CSMD1: variants seen among roughly 807,000 people sequenced by gnomAD.
CSMD1 encodes CUB and Sushi multiple domains 1.
In CSMD1, 213 loss-of-function variants were observed where a neutral mutation model predicts 417.5. The ratio of observed to expected loss-of-function variants is 0.51; its 90% CI spans 0.46 to 0.57. The LOEUF (loss-of-function observed/expected upper bound fraction) is 0.57. CSMD1 is among the 20% of genes least tolerant of loss of function. The probability of loss-of-function intolerance (pLI) is 0.00; values close to 1 mark genes in which losing one functional copy is unlikely to be tolerated. For synonymous variants in CSMD1, 2,862 were observed against 1,736.8 expected (o/e 1.65, Z -16.11); for missense variants, 6,923 against 4,529.7 (o/e 1.53, Z -15.17).
intron 5 of CSMD1, among the ~76,000 whole-genome samples, chr8:3,933,619 G>A (rs556986937): frequency 6.6e-6 from 1 of 151,962 alleles, no homozygotes; most frequent in Non-Finnish European, 1.5e-5. Flanking sequence ...CTTCTGGTAA[G>A]ATACTGTTAG....
At chr8:3,355,093 A>G (rs887892454) in intron 21 of CSMD1, among the ~76,000 whole-genome samples, 2 of 151,952 alleles carry the variant, frequency 1.3e-5, no homozygotes, top group Admixed American at 1.3e-4. Context: ...GGGTGTTGAT[A>G]TTTTTTCGTT....
intron 2 of CSMD1, among the ~76,000 whole-genome samples, chr8:4,635,734 C>G (rs1208028637): frequency 6.6e-6 from 1 of 151,908 alleles, no homozygotes; most frequent in African/African-American, 2.4e-5. Flanking sequence ...AAGTAACTGG[C>G]TTTTAAAGAG....
In CSMD1 at chr8:3,467,737, C is replaced by T. The variant is rs57518699; in HGVS notation, c.1561+975G>A. ...GCAGCCAAGGTGTGGCGTGTTCACT[C>T]ACATGGACTCATGACAATGTCCCTT... On this transcript the variant is annotated intron_variant, in intron 12 of 69. Coordinates refer to ENST00000635120, the MANE Select transcript of CSMD1 (RefSeq NM_033225.6). Among the ~76,000 whole-genome samples the T allele has an allele frequency of 2.1e-3, 319 of 152,236 alleles. 5 individuals are homozygous for T. Among genetic ancestry groups the T allele is most frequent in the African/African-American group, 7.4e-3 (306 of 41,544 alleles).
At chr8:4,120,395 G>A (rs888795588) in intron 3 of CSMD1, among the ~76,000 whole-genome samples, 27 of 152,076 alleles carry the variant, frequency 1.8e-4, no homozygotes, top group Admixed American at 3.3e-4. Flanking sequence ...CATGCTGACC[G>A]TATGCCCATC....
chr8:4,633,314 T>C (rs941869017), intron 2 of CSMD1, among the ~76,000 whole-genome samples: 1 of 152,000 alleles, frequency 6.6e-6, no homozygotes, highest in East Asian at 1.9e-4. Context: ...TGGTGCGATC[T>C]CGGCTCACTG....
intron 12 of CSMD1, among the ~76,000 whole-genome samples, chr8:3,437,108 T>C (rs945594311): frequency 3.3e-5 from 5 of 152,166 alleles, no homozygotes; most frequent in African/African-American, 1.2e-4. Flanking sequence ...TGCAAACTCA[T>C]TTTCTTTGCT....
At chr8:3,887,329 C>T (rs572522248) in intron 5 of CSMD1, among the ~76,000 whole-genome samples, 19 of 152,248 alleles carry the variant, frequency 1.2e-4, no homozygotes, top group South Asian at 4.1e-4. Flanking sequence ...GTTTCTGAGA[C>T]GTTTTCAGGA....
At chr8:4,563,702 T>C (rs1279949175) in intron 2 of CSMD1, among the ~76,000 whole-genome samples, 1 of 152,196 alleles carries the variant, frequency 6.6e-6, no homozygotes, top group Admixed American at 6.5e-5. Context: ...CCTCCTTCTT[T>C]AATATGCAAA....
intron 1 of CSMD1, chr8:4,787,802 T>G: frequency 6.4e-7 from 1 of 1,573,456 alleles, no homozygotes; most frequent in South Asian, 1.1e-5. Flanking sequence ...GAATTGGATA[T>G]CATGAGTCAT....
intron 27 of CSMD1, among the ~76,000 whole-genome samples, chr8:3,226,345 G>A (rs1798502325): frequency 6.6e-6 from 1 of 152,148 alleles, no homozygotes; most frequent in South Asian, 2.1e-4. Flanking sequence ...CACTTTGGGA[G>A]GCCAAGGTGG....
At chr8:3,471,898 A>G (rs1817126222) in intron 11 of CSMD1, among the ~76,000 whole-genome samples, 1 of 152,188 alleles carries the variant, frequency 6.6e-6, no homozygotes, top group African/African-American at 2.4e-5. Context: ...ACATGTTAAT[A>G]CACACATGGC....
At chr8:3,599,277 G>A (rs1801245498) in intron 8 of CSMD1, among the ~76,000 whole-genome samples, 2 of 152,008 alleles carry the variant, frequency 1.3e-5, no homozygotes, top group Non-Finnish European at 2.9e-5. Context: ...ACCTCCTCAT[G>A]TGGCTACGTG....
At chr8:3,293,966 T>A (rs1200769311) in intron 25 of CSMD1, among the ~76,000 whole-genome samples, 1 of 152,182 alleles carries the variant, frequency 6.6e-6, no homozygotes, top group East Asian at 1.9e-4. Flanking sequence ...TTTATCTACC[T>A]TTGGTCTTTG....
At chr8:4,135,980 A>G (rs1045591341) in intron 3 of CSMD1, among the ~76,000 whole-genome samples, 2 of 152,200 alleles carry the variant, frequency 1.3e-5, no homozygotes, top group African/African-American at 4.8e-5. Context: ...TGGAAGTCCT[A>G]GTCATTTTCA....
intron 3 of CSMD1, among the ~76,000 whole-genome samples, chr8:4,340,759 A>C (rs35922761): frequency 2.6e-5 from 4 of 152,046 alleles, no homozygotes; most frequent in Admixed American, 2.0e-4. Context: ...AAACTCTGCA[A>C]AACTGTCAAG....
intron 2 of CSMD1, among the ~76,000 whole-genome samples, chr8:4,464,718 C>G (rs1259878860): frequency 6.6e-6 from 1 of 152,118 alleles, no homozygotes; most frequent in Admixed American, 6.5e-5. Context: ...TTTAATGTAT[C>G]TACACTGATT....
chr8:4,456,188 CTT>C (rs1799471732), intron 2 of CSMD1, among the ~76,000 whole-genome samples: 1 of 151,488 alleles, frequency 6.6e-6, no homozygotes, highest in African/African-American at 2.4e-5. Context: ...ATGACACAAA[CTT>C]TATTACAGGT....
At chr8:3,755,734 G>T (rs1797619645) in intron 5 of CSMD1, among the ~76,000 whole-genome samples, 1 of 152,066 alleles carries the variant, frequency 6.6e-6, no homozygotes, top group South Asian at 2.1e-4. Context: ...AAAATGTACA[G>T]GATCCACTTT....
chr8:3,258,987 T>C (rs1172111029), intron 26 of CSMD1, among the ~76,000 whole-genome samples: 1 of 152,118 alleles, frequency 6.6e-6, no homozygotes, highest in African/African-American at 2.4e-5. Flanking sequence ...AAATAACTAA[T>C]GGGTACTAGG....
Sources: allele counts gnomAD v4.1 joint callset (sites outside exome capture counted in the v4.1 genomes callset), GRCh38; gene constraint gnomAD v4.1.1; transcripts MANE v1.5; gene names NCBI Gene and HGNC (gene_info 2026-07-23, HGNC 2026-07-21).